Variants in CHD8 observed in about 807,000 individuals in gnomAD.
CHD8 encodes chromodomain helicase DNA binding protein 8, also known as ATP-dependent chromatin remodeler CHD8.
A neutral mutation model predicts 279.2 loss-of-function variants in CHD8; 31 were observed. The observed-to-expected ratio is 0.11, with a 90% CI of 0.08 to 0.15. The LOEUF (loss-of-function observed/expected upper bound fraction) is 0.15, where lower values mean the gene tolerates loss of function less well. Ranked by LOEUF, CHD8 falls within the 10% of genes least tolerant of loss-of-function variation. CHD8 has a pLI of 1.00. For missense variants in CHD8, 2,146 were observed against 3,230.5 expected (o/e 0.66, Z 8.14); for synonymous variants, 1,081 against 1,139.6 (o/e 0.95, Z 1.04).
At chr14:21,424,170 C>T (rs536260424) in intron 5 of CHD8, among the ~76,000 whole-genome samples, 1 of 152,290 alleles carries the variant, frequency 6.6e-6, no homozygotes, top group South Asian at 2.1e-4. Flanking sequence ...TTTATATTTA[C>T]ACCTTCAATT....
intron 37 of CHD8, among the ~76,000 whole-genome samples, chr14:21,387,523 A>T (rs545848545): frequency 1.9e-4 from 29 of 151,988 alleles, no homozygotes; most frequent in Non-Finnish European, 3.7e-4. Context: ...AATCCCAGCT[A>T]CTGGGGAGGC....
At chr14:21,423,132 T>C (rs1400580603) in intron 5 of CHD8, among the ~76,000 whole-genome samples, 1 of 151,944 alleles carries the variant, frequency 6.6e-6, no homozygotes, top group Non-Finnish European at 1.5e-5. Context: ...GGCAGGAGAA[T>C]CACTTGAACC....
intron 30 of CHD8, 116 bp downstream of exon 30, chr14:21,394,796 G>T: frequency 9.1e-7 from 1 of 1,102,386 alleles, no homozygotes; most frequent in Non-Finnish European, 1.3e-6. Context: ...ACTACCCAAG[G>T]CAGAAAAGAT....
At chr14:21,409,803 T>C (rs764115617) in intron 11 of CHD8, 48 bp downstream of exon 11, 22 of 1,532,250 alleles carry the variant, frequency 1.4e-5, no homozygotes, top group Non-Finnish European at 1.9e-5. Flanking sequence ...GGAAAAAATT[T>C]AATCATTTCT....
intron 5 of CHD8, among the ~76,000 whole-genome samples, chr14:21,423,231 A>C (rs1026503322): frequency 1.3e-5 from 2 of 152,226 alleles, no homozygotes; most frequent in African/African-American, 4.8e-5. Flanking sequence ...AATAAAAAAA[A>C]GAAAGAAAAA....
chr14:21,406,423 T>C lies in CHD8; in HGVS notation c.2907+433A>G, dbSNP rs191608984. On this transcript the variant is annotated intron_variant, in intron 14 of 37. Transcript: ENST00000646647. The stretch of plus-strand genomic sequence containing the variant: ...ACACAAAGCAGCCCAATCTGGCCTA[T>C]GGAGGATGAGAGGCCATGTGGAACC... Among the ~76,000 whole-genome samples, 14 of 152,298 alleles carry C rather than the reference T, an allele frequency of 9.2e-5. No homozygotes were observed. In the East Asian group the frequency reaches 2.7e-3, roughly 29 times the overall value.
intron 10 of CHD8, among the ~76,000 whole-genome samples, chr14:21,410,513 G>A (rs1485848704): frequency 6.6e-6 from 1 of 152,136 alleles, no homozygotes; most frequent in Non-Finnish European, 1.5e-5. Context: ...CTAACAAGAG[G>A]TTATCACCAA....
rs778154578 is a variant in CHD8 at position 21,394,005 on chromosome 14, A to G, written c.5790T>C (p.Asp1930=). 5 of 1,613,760 alleles carry G rather than the reference A, an allele frequency of 3.1e-6. No homozygotes were observed. In the East Asian group the frequency reaches 1.1e-4, roughly 36 times the overall value. The change falls in exon 32 of 38, where the codon GAT becomes GAC. Residue 1930 remains aspartate, a synonymous_variant. Coordinates refer to ENST00000646647, the MANE Select transcript of CHD8 (RefSeq NM_001170629.2). ...GGGCTGCCCCTCTTAGAAGCTCCCC[A>G]TCATGCCGAACAGGCTCCCACCATT... The part of the protein sequence containing the change: ...LPKWWEPVRH[D]GELLRGAARH...
At chr14:21,442,684 G>T (rs1301541836) in intron 1 of CHD8, among the ~76,000 whole-genome samples, 1 of 101,830 alleles carries the variant, frequency 9.8e-6, no homozygotes, top group Admixed American at 9.1e-5. Context: ...GAGAGGAGAG[G>T]GGAGGGGAGG....
intron 37 of CHD8, 39 bp from the exon 38 acceptor site, chr14:21,386,215 G>A (rs748617766): frequency 3.7e-5 from 56 of 1,510,244 alleles, no homozygotes; most frequent in Non-Finnish European, 1.1e-5. Flanking sequence ...AAGAAAGAAA[G>A]GGGAAAAAAG....
chr14:21,418,591 A>AGGAG (rs1888856793), intron 5 of CHD8, among the ~76,000 whole-genome samples: 2 of 152,182 alleles, frequency 1.3e-5, no homozygotes, highest in African/African-American at 2.4e-5. Context: ...CAAGGTGGGC[A>AGGAG]TATCATGAGG....
In CHD8 at chr14:21,415,654, G is replaced by C; in HGVS notation, c.1900-12C>G. 4 of 1,611,376 alleles carry C rather than the reference G, an allele frequency of 2.5e-6. No individual in the cohort carries two copies. Among genetic ancestry groups the C allele is most frequent in the Non-Finnish European group, 3.4e-6 (4 of 1,178,764 alleles). On this transcript the variant is annotated splice_polypyrimidine_tract_variant and intron_variant, in intron 6 of 37. Transcript: ENST00000646647. The stretch of plus-strand genomic sequence containing the variant: ...TCACTGGGATTCTCCTGCAGCAAAA[G>C]ATGCAGTCAGTCAACAGATGATTGT...
In CHD8 at chr14:21,385,721, ATCT is replaced by A. The variant is rs778470457; in HGVS notation, c.7635_7637del (p.Glu2545del). ...CATAGCCCTGAGATAAGTCATCATC[ATCT>A]TCTTCATCCTCATCGTCATCCTCCT... is the stretch of plus-strand genomic sequence containing the variant. On this transcript the variant is annotated inframe_deletion, in exon 38 of 38. Transcript: ENST00000646647. The A allele has an allele frequency of 2.0e-5, 31 of 1,551,676 alleles. No homozygotes were observed. In the African/African-American group the frequency reaches 3.4e-4, roughly 17 times the overall value.
chr14:21,415,787 T>C lies in CHD8; in HGVS notation c.1837A>G (p.Ile613Val), dbSNP rs148874068. The change falls in exon 6 of 38, where the codon ATC becomes GTC. Residue 613 changes from isoleucine to valine, a missense_variant. Ile to Val is a conservative substitution (Grantham distance 29). Transcript: ENST00000646647. The part of the protein sequence containing the change: ...DVTGPIKPEP[I>V]LPEPVQEPDG... ...GGTTCTTGCACTGGTTCAGGGAGGA[T>C]AGGCTCAGGTTTTATTGGACCAGTT... 17 of 1,613,952 alleles carry C rather than the reference T, an allele frequency of 1.1e-5. No individual in the cohort carries two copies. The East Asian group carries it at 2.5e-4, about 23-fold the overall frequency.
chr14:21,399,712 G>T lies in CHD8; in HGVS notation c.4818-7C>A, dbSNP rs750660168. ...GAACCATATGTCAATCTCACTAAAG[G>T]TATAAGAGGGCAGAGTCAGCACAGA... On this transcript the variant is annotated splice_region_variant and splice_polypyrimidine_tract_variant and intron_variant, in intron 25 of 37. Transcript: ENST00000646647. The T allele has an allele frequency of 2.2e-5, 35 of 1,574,464 alleles. No individual in the cohort carries two copies. The highest frequency in any genetic ancestry group is 3.0e-5 in the Non-Finnish European group (34 of 1,144,054).
chr14:21,417,431 G>A (rs1457728808), intron 5 of CHD8, among the ~76,000 whole-genome samples: 2 of 151,984 alleles, frequency 1.3e-5, no homozygotes, highest in Non-Finnish European at 2.9e-5. Context: ...AAAAAAGAGT[G>A]CAGGCTGGGT....
At chr14:21,401,547 T>TC (rs901996455) in intron 20 of CHD8, 34 bp from the exon 21 acceptor site, 44 of 1,127,594 alleles carry the variant, frequency 3.9e-5, no homozygotes, top group Non-Finnish European at 4.9e-5. Flanking sequence ...TAAAGCTGAC[T>TC]TTTTTTTTTA....
intron 5 of CHD8, among the ~76,000 whole-genome samples, chr14:21,423,678 A>G (rs1458855024): frequency 1.3e-5 from 2 of 152,298 alleles, no homozygotes; most frequent in South Asian, 4.1e-4. Context: ...CAGTGATTAC[A>G]GGTATGAGCC....
At chr14:21,447,937 G>A (rs1016905284) in intron 1 of CHD8, among the ~76,000 whole-genome samples, 22 of 152,004 alleles carry the variant, frequency 1.4e-4, no homozygotes, top group Admixed American at 2.6e-4. Flanking sequence ...CTCTAACTGG[G>A]CCAATGTTCA....
Sources: allele counts gnomAD v4.1 joint callset (sites outside exome capture counted in the v4.1 genomes callset), GRCh38; gene constraint gnomAD v4.1.1; transcripts MANE v1.5; gene names NCBI Gene and HGNC (gene_info 2026-07-23, HGNC 2026-07-21).